SLTM: variants seen among roughly 807,000 people sequenced by gnomAD.
SLTM encodes the protein SAFB like transcription modulator.
In SLTM, 43 loss-of-function variants were observed where a neutral mutation model predicts 134.6. The ratio of observed to expected loss-of-function variants is 0.32; its 90% CI spans 0.25 to 0.41. The LOEUF (loss-of-function observed/expected upper bound fraction) is 0.41. Ranked by LOEUF, SLTM falls within the 10% of genes least tolerant of loss-of-function variation. The probability of loss-of-function intolerance (pLI) is 1.00; values close to 1 mark genes in which losing one functional copy is unlikely to be tolerated. For missense variants in SLTM, 1,055 were observed against 1,288.8 expected, an observed-to-expected ratio of 0.82 and a Z score of 2.78; for synonymous variants, 424 against 432.3, an observed-to-expected ratio of 0.98 and a Z score of 0.24.
chr15:58,917,525 T>C (rs1182112447), intron 2 of SLTM, among the ~76,000 whole-genome samples: 2 of 152,226 alleles, frequency 1.3e-5, no homozygotes, highest in African/African-American at 2.4e-5. Context: ...TGCCTCTTCA[T>C]AGAGAAGAAA....
chr15:58,926,667 T>A (rs140015156), intron 2 of SLTM, among the ~76,000 whole-genome samples: 5 of 150,076 alleles, frequency 3.3e-5, no homozygotes, highest in African/African-American at 1.2e-4. Flanking sequence ...CAGGCTGGAG[T>A]GCAGCAGCAC....
At chr15:58,929,707 T>C (rs570084415) in intron 2 of SLTM, among the ~76,000 whole-genome samples, 2 of 152,258 alleles carry the variant, frequency 1.3e-5, no homozygotes, top group South Asian at 4.1e-4. Context: ...CATGAGCCAC[T>C]GCACCCGGCC....
At chr15:58,930,236 C>G (rs2037771504) in intron 2 of SLTM, among the ~76,000 whole-genome samples, 1 of 151,764 alleles carries the variant, frequency 6.6e-6, no homozygotes, top group Non-Finnish European at 1.5e-5. Flanking sequence ...TCCCCAGCCT[C>G]CCGAGTAGCT....
intron 2 of SLTM, among the ~76,000 whole-genome samples, chr15:58,925,741 C>G (rs2141222989): frequency 6.6e-6 from 1 of 152,252 alleles, no homozygotes; most frequent in South Asian, 2.1e-4. Context: ...CATTAATTAT[C>G]TAAAGATGAA....
intron 5 of SLTM, among the ~76,000 whole-genome samples, chr15:58,908,079 C>CA (rs1337294268): frequency 9.8e-5 from 13 of 132,556 alleles, no homozygotes; most frequent in Admixed American, 1.7e-4. Flanking sequence ...TTTTTTAAGA[C>CA]AGAGTCTTGC....
intron 2 of SLTM, among the ~76,000 whole-genome samples, chr15:58,917,523 CAT>C (rs2036730092): frequency 6.6e-6 from 1 of 152,162 alleles, no homozygotes; most frequent in African/African-American, 2.4e-5. Flanking sequence ...CTTGCCTCTT[CAT>C]AGAGAAGAAA....
intron 14 of SLTM, among the ~76,000 whole-genome samples, chr15:58,892,681 C>T (rs547460444): frequency 6.6e-6 from 1 of 152,222 alleles, no homozygotes; most frequent in African/African-American, 2.4e-5. Context: ...CATAACTAGC[C>T]TTACAGAACT....
In SLTM at chr15:58,892,948, C is replaced by G. The variant is rs2140989246; in HGVS notation, c.1847G>C (p.Arg616Thr). 1.2e-6 allele frequency: 2 copies of G among 1,613,744 alleles called. No homozygotes were observed. Among genetic ancestry groups the G allele is most frequent in the Non-Finnish European group, 1.7e-6 (2 of 1,179,888 alleles). Reference sequence around the variant, plus strand: ...CCTTTCAAAACGAACTAAATGTTCTCTCAACCTTTGTTCCTTCATCTTTTC... The same window carrying G: ...CCTTTCAAAACGAACTAAATGTTCTGTCAACCTTTGTTCCTTCATCTTTTC... ...PFEKMKEQRL[R>T]EHLVRFERLR... The change falls in exon 14 of 21, where the codon AGA (arginine) becomes ACA (threonine). Residue 616 changes from arginine (R) to threonine (T), a missense_variant. Coordinates refer to ENST00000380516, the MANE Select transcript of SLTM (RefSeq NM_024755.4).
In SLTM at chr15:58,899,957, A is replaced by G. The variant is rs1463000986; in HGVS notation, c.590-20T>C. 2 of 1,561,748 alleles carry G rather than the reference A, an allele frequency of 1.3e-6. No individual in the cohort carries two copies. The highest frequency in any genetic ancestry group is 1.7e-6 in the Non-Finnish European group (2 of 1,145,352). ...CTATATCTAAGAGGATTTAACAGGA[A>G]TAAATATGGCAAAACAAGAAGTTTA... On this transcript the variant is annotated intron_variant, in intron 6 of 20. Transcript: ENST00000380516. The surrounding 1 kb of genome is among the most constrained non-coding windows in gnomAD (Gnocchi z 5.0).
chr15:58,930,668 C>T (rs1053923204), intron 2 of SLTM, among the ~76,000 whole-genome samples: 1 of 150,968 alleles, frequency 6.6e-6, no homozygotes, highest in African/African-American at 2.4e-5. Flanking sequence ...GAGCTAGGCA[C>T]CACTGCACTC....
At chr15:58,887,659 C>A (rs2034328822) in intron 17 of SLTM, 119 bp from the exon 18 acceptor site, 1 of 1,461,480 alleles carries the variant, frequency 6.8e-7, no homozygotes. Context: ...TAAGGCAAAG[C>A]CATGGAAAAA....
At chr15:58,912,849 AG>A (rs150982502) in intron 4 of SLTM, 31,097 of 444,042 alleles carry the variant, frequency 0.07, 1,455 homozygotes, top group African/African-American at 0.16. Context: ...GGTAGGTAGA[AG>A]GGAAGTGTTT....
intron 2 of SLTM, among the ~76,000 whole-genome samples, chr15:58,921,879 G>A (rs142695421): frequency 2.6e-5 from 4 of 151,990 alleles, no homozygotes; most frequent in Non-Finnish European, 4.4e-5. Context: ...AGGTTCAAGC[G>A]ATTCTCATGC....
chr15:58,903,956 G>A (rs746029014), intron 5 of SLTM, among the ~76,000 whole-genome samples: 9 of 152,122 alleles, frequency 5.9e-5, no homozygotes, highest in South Asian at 2.1e-4. Context: ...AGTACATTTG[G>A]ATAATAATTT....
chr15:58,930,011 A>G (rs1157639856), intron 2 of SLTM, among the ~76,000 whole-genome samples: 1 of 152,148 alleles, frequency 6.6e-6, no homozygotes, highest in African/African-American at 2.4e-5. Flanking sequence ...ATTCTTTGTA[A>G]TTCACAAGAT....
At chr15:58,904,809 C>T (rs781298251) in intron 5 of SLTM, among the ~76,000 whole-genome samples, 1 of 152,134 alleles carries the variant, frequency 6.6e-6, no homozygotes, top group Non-Finnish European at 1.5e-5. Flanking sequence ...CTCCCTGGTT[C>T]AAGCAATTCT....
chr15:58,930,594 TC>T (rs1218238940), intron 2 of SLTM, among the ~76,000 whole-genome samples: 55 of 151,772 alleles, frequency 3.6e-4, no homozygotes, highest in Middle Eastern at 3.4e-3. Flanking sequence ...ATGCCTGTAG[TC>T]CCAGCTACCA....
intron 2 of SLTM, among the ~76,000 whole-genome samples, chr15:58,919,327 G>C (rs1378141055): frequency 6.6e-6 from 1 of 152,194 alleles, no homozygotes; most frequent in Non-Finnish European, 1.5e-5. Flanking sequence ...GGAAGCGGTG[G>C]CTACTGCCTG....
rs564124831 is a variant in SLTM, at chr15:58,899,299, T to C, written c.1058+170A>G. On this transcript the variant is annotated intron_variant, in intron 7 of 20. Transcript: ENST00000380516. The surrounding 1 kb of genome is among the most constrained non-coding windows in gnomAD (Gnocchi z 5.0). ...ATCAGTAGAACACACTGCATTATTA[T>C]GAAGATCTTGAAAATTTTTAAAAGT... The C allele has an allele frequency of 1.6e-6, 1 of 607,038 alleles. No homozygotes were observed. The allele number at this position is 607,038 out of a possible 1,614,324, so 37.6% of individuals were successfully genotyped here. A position where few individuals can be genotyped will look rare whatever the true frequency, so the allele number is the denominator to read the frequency against.
Sources: allele counts gnomAD v4.1 joint callset (sites outside exome capture counted in the v4.1 genomes callset), GRCh38; gene constraint gnomAD v4.1.1; non-coding constraint Gnocchi (gnomAD v3.1); transcripts MANE v1.5; gene names NCBI Gene and HGNC (gene_info 2026-07-23, HGNC 2026-07-21).